The following NRG3 variants were observed in gnomAD, a reference collection of about 807,000 sequenced individuals.
NRG3 encodes neuregulin 3, also known as pro-neuregulin-3, membrane-bound isoform.
In NRG3, 31 loss-of-function variants were observed where a neutral mutation model predicts 66.9. That is an observed-to-expected ratio of 0.46 (90% CI 0.35 to 0.63). The LOEUF is 0.63. Ranked by LOEUF, NRG3 falls within the 20% of genes least tolerant of loss-of-function variation. The pLI, the probability that NRG3 is intolerant of heterozygous loss-of-function variation, is 0.00. For missense variants in NRG3, 910 were observed against 878.9 expected (o/e 1.04, Z -0.45); for synonymous variants, 393 against 359.4 (o/e 1.09, Z -1.06).
At chr10:82,673,325 G>T (rs749571819) in intron 2 of NRG3, among the ~76,000 whole-genome samples, 9 of 152,150 alleles carry the variant, frequency 5.9e-5, no homozygotes, top group Admixed American at 5.9e-4. Flanking sequence ...GCTCACATTT[G>T]TTTCAATGGT....
intron 1 of NRG3, among the ~76,000 whole-genome samples, chr10:82,186,225 C>T (rs1030114965): frequency 4.0e-5 from 6 of 151,896 alleles, no homozygotes; most frequent in Non-Finnish European, 5.9e-5. Context: ...TTCCTTTTTT[C>T]CACACATCTC....
At chr10:82,208,329 A>G (rs1451491496) in intron 1 of NRG3, among the ~76,000 whole-genome samples, 1 of 152,172 alleles carries the variant, frequency 6.6e-6, no homozygotes, top group Non-Finnish European at 1.5e-5. Flanking sequence ...TTTTTACCGT[A>G]ATCAAATGTT....
At chr10:82,294,590 A>T (rs374647179) in intron 1 of NRG3, among the ~76,000 whole-genome samples, 1 of 152,158 alleles carries the variant, frequency 6.6e-6, no homozygotes, top group Non-Finnish European at 1.5e-5. Flanking sequence ...CTTGTTACAT[A>T]TAAAGACAAT....
intron 1 of NRG3, among the ~76,000 whole-genome samples, chr10:82,330,971 T>C (rs1157116212): frequency 6.6e-6 from 1 of 152,186 alleles, no homozygotes; most frequent in African/African-American, 2.4e-5. Flanking sequence ...CTTCCTGGCT[T>C]TCATATTTAC....
At chr10:82,827,662 T>C (rs2062304517) in intron 3 of NRG3, among the ~76,000 whole-genome samples, 1 of 152,192 alleles carries the variant, frequency 6.6e-6, no homozygotes, top group Non-Finnish European at 1.5e-5. Flanking sequence ...TCAGAATAGC[T>C]TTCATAAATC....
chr10:82,312,184 A>C (rs2081064383), intron 1 of NRG3, among the ~76,000 whole-genome samples: 1 of 152,168 alleles, frequency 6.6e-6, no homozygotes, highest in Admixed American at 6.5e-5. Context: ...AGTGATAGTT[A>C]ACAGAGGGCA....
chr10:81,903,992 ATATATTT>A (rs1227721612), intron 1 of NRG3, among the ~76,000 whole-genome samples: 80 of 100,242 alleles, frequency 8.0e-4, no homozygotes, highest in African/African-American at 3.2e-3. Context: ...ATATATATAT[ATATATTT>A]TTTTTTTTTG....
intron 1 of NRG3, among the ~76,000 whole-genome samples, chr10:82,094,510 G>T (rs1325871446): frequency 6.6e-6 from 1 of 152,202 alleles, no homozygotes; most frequent in South Asian, 2.1e-4. Flanking sequence ...CAAAGGAAAA[G>T]AAATTGCTAT....
At chr10:82,526,980 G>A (rs1940345665) in intron 2 of NRG3, among the ~76,000 whole-genome samples, 1 of 151,968 alleles carries the variant, frequency 6.6e-6, no homozygotes, top group African/African-American at 2.4e-5. Flanking sequence ...TTGATAGTAT[G>A]TTTGAAGTTA....
intron 2 of NRG3, among the ~76,000 whole-genome samples, chr10:82,619,115 T>C (rs532931295): frequency 6.6e-6 from 1 of 152,306 alleles, no homozygotes. Context: ...GCCATTTTTT[T>C]CCATTTATAT....
intron 3 of NRG3, among the ~76,000 whole-genome samples, chr10:82,778,084 C>G (rs1198425481): frequency 6.6e-6 from 1 of 152,170 alleles, no homozygotes; most frequent in East Asian, 1.9e-4. Flanking sequence ...TACAGCTGCT[C>G]TGCTGGACTG....
intron 2 of NRG3, among the ~76,000 whole-genome samples, chr10:82,736,816 TTA>T (rs1490384514): frequency 6.6e-6 from 1 of 152,232 alleles, no homozygotes; most frequent in Non-Finnish European, 1.5e-5. Context: ...GATATTCCTC[TTA>T]TATTAAATAA....
intron 2 of NRG3, among the ~76,000 whole-genome samples, chr10:82,679,125 T>C (rs148193340): frequency 1.3e-5 from 2 of 152,330 alleles, no homozygotes; most frequent in Admixed American, 6.5e-5. Context: ...TGAAAGGACT[T>C]GATGAGATGA....
chr10:81,978,945 C>T (rs528200845), intron 1 of NRG3, among the ~76,000 whole-genome samples: 2 of 152,196 alleles, frequency 1.3e-5, no homozygotes, highest in South Asian at 2.1e-4. Flanking sequence ...AATCCCAGCA[C>T]TTTGGGAGGC....
intron 1 of NRG3, among the ~76,000 whole-genome samples, chr10:82,161,452 C>T (rs2071592777): frequency 6.6e-6 from 1 of 152,080 alleles, no homozygotes; most frequent in Non-Finnish European, 1.5e-5. Context: ...AAAGCAATCA[C>T]TTCCCCTTTT....
chr10:82,534,116 G>C (rs1022160094), intron 2 of NRG3, among the ~76,000 whole-genome samples: 1 of 151,980 alleles, frequency 6.6e-6, no homozygotes, highest in Non-Finnish European at 1.5e-5. Flanking sequence ...TGAATTAAAC[G>C]AGACACACAG....
chr10:82,066,412 A>G (rs1327864456), intron 1 of NRG3, among the ~76,000 whole-genome samples: 1 of 152,164 alleles, frequency 6.6e-6, no homozygotes, highest in East Asian at 1.9e-4. Context: ...AGACATGCCT[A>G]TGGGATTTGC....
chr10:82,403,279 G>A (rs1286743403), intron 2 of NRG3, among the ~76,000 whole-genome samples: 1 of 152,038 alleles, frequency 6.6e-6, no homozygotes, highest in Non-Finnish European at 1.5e-5. Context: ...CACAGTCTTC[G>A]GGAATAGGGT....
intron 1 of NRG3, among the ~76,000 whole-genome samples, chr10:81,967,662 A>AT (rs1399419602): frequency 6.6e-6 from 1 of 151,826 alleles, no homozygotes; most frequent in Non-Finnish European, 1.5e-5. Context: ...CATATTCTTG[A>AT]TTTTTTTCCC....
Sources: allele counts gnomAD v4.1 joint callset (sites outside exome capture counted in the v4.1 genomes callset), GRCh38; gene constraint gnomAD v4.1.1; transcripts MANE v1.5; gene names NCBI Gene and HGNC (gene_info 2026-07-23, HGNC 2026-07-21).